IFT122: variants seen among roughly 807,000 people sequenced by gnomAD.
IFT122 encodes the protein intraflagellar transport 122, also known as intraflagellar transport protein 122 homolog.
IFT122 carries 118 observed loss-of-function variants against 161.6 expected under a neutral mutation model. The ratio of observed to expected loss-of-function variants is 0.73; its 90% CI spans 0.63 to 0.85. The LOEUF is 0.85. Among genes scored for constraint, IFT122 ranks in the 40% least tolerant of loss-of-function variants. IFT122 has a pLI of 0.00. For missense variants in IFT122, 1,381 were observed against 1,579.6 expected (o/e 0.87, Z 2.13); for synonymous variants, 550 against 602.4 (o/e 0.91, Z 1.27).
chr3:129,451,291 A>T (rs142748345), intron 2 of IFT122, among the ~76,000 whole-genome samples: 239 of 147,936 alleles, frequency 1.6e-3, no homozygotes, highest in African/African-American at 5.6e-3. Flanking sequence ...ATTTTTATTT[A>T]TTTTTATTTT....
intron 17 of IFT122, 51 bp downstream of exon 17, chr3:129,492,245 GT>G (rs768540910): frequency 7.9e-6 from 11 of 1,398,178 alleles, no homozygotes; most frequent in Non-Finnish European, 1.1e-5. Context: ...TGGGGTTCCT[GT>G]TTTAGGGGCA....
At chr3:129,482,389 A>G (rs923465388) in intron 14 of IFT122, among the ~76,000 whole-genome samples, 2 of 152,204 alleles carry the variant, frequency 1.3e-5, no homozygotes, top group Admixed American at 1.3e-4. Context: ...GTAGGTGGTC[A>G]GGACTGGTTT....
At chr3:129,445,769 A>G (rs1403667107) in intron 1 of IFT122, among the ~76,000 whole-genome samples, 4 of 152,228 alleles carry the variant, frequency 2.6e-5, no homozygotes, top group African/African-American at 7.2e-5. Flanking sequence ...AAACAGAGTA[A>G]TAATTCCTAC....
chr3:129,445,585 C>T (rs2073896612), intron 1 of IFT122, among the ~76,000 whole-genome samples: 1 of 152,158 alleles, frequency 6.6e-6, no homozygotes, highest in African/African-American at 2.4e-5. Flanking sequence ...TGAAGGATAA[C>T]AGATTTGACA....
At chr3:129,464,812 A>G in intron 7 of IFT122, 31 bp downstream of exon 7, 1 of 1,613,266 alleles carries the variant, frequency 6.2e-7, no homozygotes. Context: ...CTTCTAGAAC[A>G]AACACCATCA....
chr3:129,514,123 G>A, intron 24 of IFT122: 2 of 548,206 alleles, frequency 3.6e-6, no homozygotes, highest in South Asian at 3.6e-5. Context: ...TATAAGATGA[G>A]CCATCAGCAG....
At chr3:129,512,481 C>T (rs764668446) in intron 24 of IFT122, 69 bp downstream of exon 24, 1 of 1,106,814 alleles carries the variant, frequency 9.0e-7, no homozygotes, top group Admixed American at 1.7e-5. Context: ...AAATTCCTTC[C>T]AGAGCACTTT....
chr3:129,466,844 G>A (rs2076853589), intron 7 of IFT122, 46 bp from the exon 8 acceptor site: 1 of 1,565,992 alleles, frequency 6.4e-7, no homozygotes, highest in Non-Finnish European at 8.8e-7. Context: ...TAGTTTTAGT[G>A]TAGTTCTAGG....
At position 129,500,081 on chromosome 3, in the gene IFT122, C is replaced by A; in HGVS notation, c.2375+13C>A. The A allele has an allele frequency of 6.2e-7, 1 of 1,614,044 alleles. No individual in the cohort carries two copies. The highest frequency in any genetic ancestry group is 1.1e-5 in the South Asian group (1 of 91,050). On this transcript the variant is annotated intron_variant, in intron 19 of 29. Transcript: ENST00000348417. Reference sequence around the variant, plus strand: ...GCTGGGTTGACATGTAGGTTTTGGTCCCTGCCCCGAGAAGCATTTGGCAGC... The same window carrying A: ...GCTGGGTTGACATGTAGGTTTTGGTACCTGCCCCGAGAAGCATTTGGCAGC...
intron 1 of IFT122, among the ~76,000 whole-genome samples, chr3:129,441,349 C>T (rs1332298132): frequency 6.6e-6 from 1 of 152,146 alleles, no homozygotes; most frequent in Non-Finnish European, 1.5e-5. Flanking sequence ...ACGTTGGAGA[C>T]GGGTCCTCTC....
chr3:129,489,439 G>A (rs2079755721), intron 16 of IFT122, among the ~76,000 whole-genome samples: 1 of 152,212 alleles, frequency 6.6e-6, no homozygotes, highest in South Asian at 2.1e-4. Context: ...TTGTGCAGAT[G>A]CTAGCCATTA....
At chr3:129,466,830 A>G (rs1248268847) in intron 7 of IFT122, 60 bp from the exon 8 acceptor site, 2 of 1,538,290 alleles carry the variant, frequency 1.3e-6, no homozygotes, top group African/African-American at 1.4e-5. Context: ...AGGATTTTAA[A>G]TTATAGTTTT....
Position 129,466,992 on chromosome 3 carries a change from G to A in IFT122, c.666G>A (p.Val222=). The change falls in exon 8 of 30, where the codon GTG becomes GTA. Residue 222 remains valine, a synonymous_variant. Transcript: ENST00000348417. ...TCCCTTCCACTCTGAAGTCAGCAGT[G>A]TACAGTAGTCAGGGTAGTGAGGCAG... ...QEIPSTLKSA[V]YSSQGSEAEE... 1 of 1,614,192 alleles carries A rather than the reference G, an allele frequency of 6.2e-7. No individual in the cohort carries two copies. The highest frequency in any genetic ancestry group is 1.1e-5 in the South Asian group (1 of 91,082).
At chr3:129,449,750 T>C in intron 1 of IFT122, 121 bp from the exon 2 acceptor site, 1 of 767,878 alleles carries the variant, frequency 1.3e-6, no homozygotes, top group Non-Finnish European at 2.4e-6. Context: ...TTCGTAGTTA[T>C]TCTTTTTCTC....
Position 129,464,719 on chromosome 3 carries a change from A to G in IFT122, c.501A>G (p.Val167=). Reference sequence around the variant, plus strand: ...GGAACAAAAATGGCGAGGAGAAAGTAAAGATCGAGCGGCCGGGGGGCTCCC... The same window carrying G: ...GGAACAAAAATGGCGAGGAGAAAGTGAAGATCGAGCGGCCGGGGGGCTCCC... The part of the protein sequence containing the change: ...SIRNKNGEEK[V]KIERPGGSLS... The change falls in exon 7 of 30, where the codon GTA becomes GTG. Residue 167 remains valine (V), a synonymous_variant. Coordinates refer to ENST00000348417, the MANE Select transcript of IFT122 (RefSeq NM_052989.3). The G allele has an allele frequency of 6.2e-7, 1 of 1,614,156 alleles. No individual in the cohort carries two copies. Among genetic ancestry groups the G allele is most frequent in the Non-Finnish European group, 8.5e-7 (1 of 1,180,030 alleles).
At chr3:129,449,780 T>G in intron 1 of IFT122, 91 bp from the exon 2 acceptor site, 1 of 885,584 alleles carries the variant, frequency 1.1e-6, no homozygotes, top group Non-Finnish European at 1.9e-6. Flanking sequence ...CACACAGTGT[T>G]TCTTAATGGC....
chr3:129,466,775 T>G, intron 7 of IFT122, 115 bp from the exon 8 acceptor site: 1 of 962,466 alleles, frequency 1.0e-6, no homozygotes, highest in Non-Finnish European at 1.7e-6. Flanking sequence ...AGTGCTGGGA[T>G]TACAGGCGTG....
intron 15 of IFT122, among the ~76,000 whole-genome samples, chr3:129,486,317 T>C (rs1303758568): frequency 6.6e-6 from 1 of 152,208 alleles, no homozygotes; most frequent in Non-Finnish European, 1.5e-5. Context: ...CAGCTGTAAC[T>C]AGAGCAACTC....
chr3:129,519,311 C>CG, intron 28 of IFT122, 125 bp downstream of exon 28: 2 of 1,037,200 alleles, frequency 1.9e-6, no homozygotes, highest in Non-Finnish European at 3.0e-6. Flanking sequence ...TGTGGTGGCA[C>CG]GAAGGAGGGG....
Sources: allele counts gnomAD v4.1 joint callset (sites outside exome capture counted in the v4.1 genomes callset), GRCh38; gene constraint gnomAD v4.1.1; transcripts MANE v1.5; gene names NCBI Gene and HGNC (gene_info 2026-07-23, HGNC 2026-07-21).